ARL15: variants seen among roughly 807,000 people sequenced by gnomAD.
ARL15 encodes ARF like GTPase 15, also known as ADP-ribosylation factor-like protein 15.
ARL15 carries 19 observed loss-of-function variants against 25.2 expected under a neutral mutation model. That is an observed-to-expected ratio of 0.75 (90% confidence interval 0.53 to 1.10). The LOEUF (loss-of-function observed/expected upper bound fraction) is 1.10. Among genes scored for constraint, ARL15 ranks in the 50% least tolerant of loss-of-function variants. ARL15 has a pLI of 0.00. For missense variants in ARL15, 220 were observed against 246.0 expected (o/e 0.89, Z 0.71); for synonymous variants, 94 against 86.8 (o/e 1.08, Z -0.46).
At chr5:54,160,113 A>G (rs531064954) in intron 2 of ARL15, among the ~76,000 whole-genome samples, 27 of 152,348 alleles carry the variant, frequency 1.8e-4, no homozygotes, top group Admixed American at 3.9e-4. Flanking sequence ...GACCTGCACC[A>G]AGGGCATGAT....
At chr5:53,936,578 C>G (rs1746354344) in intron 4 of ARL15, among the ~76,000 whole-genome samples, 1 of 152,128 alleles carries the variant, frequency 6.6e-6, no homozygotes, top group Non-Finnish European at 1.5e-5. Flanking sequence ...ATCTGAAAAA[C>G]AAACAAACAA....
At chr5:53,953,632 G>C (rs1178823416) in intron 4 of ARL15, among the ~76,000 whole-genome samples, 1 of 152,176 alleles carries the variant, frequency 6.6e-6, no homozygotes, top group African/African-American at 2.4e-5. Context: ...GGAGGGCAAA[G>C]GTGGTAGGGA....
intron 4 of ARL15, among the ~76,000 whole-genome samples, chr5:53,995,942 T>C (rs751729319): frequency 5.3e-5 from 8 of 152,220 alleles, no homozygotes; most frequent in Non-Finnish European, 8.8e-5. Flanking sequence ...AGCTTCATTA[T>C]GTGGTTTTAA....
intron 4 of ARL15, among the ~76,000 whole-genome samples, chr5:53,987,869 G>A (rs948462946): frequency 5.9e-5 from 9 of 152,164 alleles, no homozygotes; most frequent in African/African-American, 2.2e-4. Context: ...TTGGAAGGCC[G>A]AGGTGGGCGG....
intron 4 of ARL15, among the ~76,000 whole-genome samples, chr5:54,105,711 T>C (rs954426149): frequency 4.6e-5 from 7 of 152,110 alleles, no homozygotes; most frequent in Non-Finnish European, 8.8e-5. Flanking sequence ...GCCTCCCAAG[T>C]AGCTGGGACT....
chr5:54,054,586 C>G (rs963927619), intron 4 of ARL15, among the ~76,000 whole-genome samples: 4 of 152,142 alleles, frequency 2.6e-5, no homozygotes, highest in Admixed American at 6.5e-5. Context: ...GTCAGGAGAT[C>G]AAGACCATCC....
At chr5:54,000,314 A>G (rs1368886185) in intron 4 of ARL15, among the ~76,000 whole-genome samples, 1 of 152,194 alleles carries the variant, frequency 6.6e-6, no homozygotes, top group Non-Finnish European at 1.5e-5. Context: ...TCTTCTGGTC[A>G]CTAGCTGCAT....
chr5:54,274,368 T>C (rs751942058), intron 1 of ARL15, among the ~76,000 whole-genome samples: 4 of 152,212 alleles, frequency 2.6e-5, no homozygotes, highest in Non-Finnish European at 5.9e-5. Flanking sequence ...TTTTATCTTG[T>C]TCTTGCCTGG....
In ARL15 at chr5:54,176,461, C is replaced by T. The variant is rs559151214; in HGVS notation, c.49-4533G>A. On this transcript the variant is annotated intron_variant, in intron 1 of 4. Transcript: ENST00000504924. ...TTAATGAAGCTTTGGATCCTATAGT[C>T]AATTTACTTAAAATTACTCATTTTG... Among the ~76,000 whole-genome samples, 9 of 152,296 alleles carry T rather than the reference C, an allele frequency of 5.9e-5. No individual in the cohort carries two copies. In the South Asian group the frequency reaches 1.0e-3, roughly 18 times the overall value.
chr5:54,049,431 A>G (rs550383562), intron 4 of ARL15, among the ~76,000 whole-genome samples: 2 of 152,022 alleles, frequency 1.3e-5, no homozygotes, highest in East Asian at 1.9e-4. Flanking sequence ...TTAAATCCAT[A>G]TTATCTACAT....
intron 4 of ARL15, among the ~76,000 whole-genome samples, chr5:53,930,950 T>G (rs2112050159): frequency 6.6e-6 from 1 of 152,314 alleles, no homozygotes; most frequent in East Asian, 1.9e-4. Flanking sequence ...ATTTTTTATC[T>G]CTAAAGGATT....
chr5:54,255,614 C>T (rs573878179), intron 1 of ARL15, among the ~76,000 whole-genome samples: 2 of 152,110 alleles, frequency 1.3e-5, no homozygotes, highest in African/African-American at 4.8e-5. Flanking sequence ...AAATCTGAAA[C>T]GCTCCAAAAT....
intron 4 of ARL15, among the ~76,000 whole-genome samples, chr5:54,097,235 T>A (rs1752315474): frequency 1.3e-5 from 2 of 152,146 alleles, no homozygotes; most frequent in East Asian, 3.9e-4. Context: ...GAGAATCGCT[T>A]GAAGCTGGGA....
chr5:54,018,988 C>T (rs1268971065), intron 4 of ARL15, among the ~76,000 whole-genome samples: 1 of 151,974 alleles, frequency 6.6e-6, no homozygotes, highest in Admixed American at 6.6e-5. Context: ...AGATTCTTTA[C>T]GAATTTGGTA....
intron 1 of ARL15, among the ~76,000 whole-genome samples, chr5:54,198,040 A>T (rs1755604236): frequency 6.6e-6 from 1 of 152,096 alleles, no homozygotes; most frequent in African/African-American, 2.4e-5. Flanking sequence ...ACCAAAGACA[A>T]AAACCACATG....
At chr5:54,198,715 T>C (rs1451747014) in intron 1 of ARL15, among the ~76,000 whole-genome samples, 14 of 151,196 alleles carry the variant, frequency 9.3e-5, no homozygotes, top group African/African-American at 2.9e-4. Flanking sequence ...AAAATAGCCA[T>C]ACTGCCCAAG....
chr5:53,886,753 T>C, intron 4 of ARL15, 40 bp from the exon 5 acceptor site: 1 of 1,491,422 alleles, frequency 6.7e-7, no homozygotes, highest in Non-Finnish European at 8.9e-7. Context: ...TTATTAATTA[T>C]ATCAGAAACT....
At chr5:54,236,276 C>T (rs1025941912) in intron 1 of ARL15, among the ~76,000 whole-genome samples, 6 of 152,146 alleles carry the variant, frequency 3.9e-5, no homozygotes, top group African/African-American at 1.2e-4. Context: ...GTTATGGAAG[C>T]ATTTTCTAGC....
chr5:54,052,082 A>G (rs1750719151), intron 4 of ARL15, among the ~76,000 whole-genome samples: 1 of 152,204 alleles, frequency 6.6e-6, no homozygotes, highest in African/African-American at 2.4e-5. Context: ...TTCTAGAAAA[A>G]GCAAAAATAT....
Sources: gnomAD v4.1 joint callset for allele counts (sites outside exome capture counted in the v4.1 genomes callset) on GRCh38, gnomAD v4.1.1 for gene constraint, MANE v1.5 for transcripts, NCBI Gene and HGNC (gene_info 2026-07-23, HGNC 2026-07-21) for gene names.